Variants in NAALADL2 observed in about 807,000 individuals in gnomAD.
NAALADL2 encodes the protein inactive N-acetylated-alpha-linked acidic dipeptidase-like protein 2.
NAALADL2 carries 76 observed loss-of-function variants against 87.2 expected under a neutral mutation model. The ratio of observed to expected loss-of-function variants is 0.87; its 90% CI spans 0.72 to 1.05. The LOEUF is 1.05. Among genes scored for constraint, NAALADL2 ranks in the 50% least tolerant of loss-of-function variants. The pLI is 0.00. For missense variants in NAALADL2, 1,089 were observed against 945.8 expected, an observed-to-expected ratio of 1.15 and a Z score of -1.99; for synonymous variants, 354 against 331.0, an observed-to-expected ratio of 1.07 and a Z score of -0.75.
intron 1 of NAALADL2, among the ~76,000 whole-genome samples, chr3:174,539,633 AT>A (rs1722040157): frequency 6.6e-6 from 1 of 152,110 alleles, no homozygotes; most frequent in African/African-American, 2.4e-5. Context: ...CTGCGAATTT[AT>A]TTTTGTTGTG....
At chr3:175,156,161 A>T (rs1580722917) in intron 2 of NAALADL2, among the ~76,000 whole-genome samples, 2 of 152,276 alleles carry the variant, frequency 1.3e-5, no homozygotes, top group East Asian at 3.9e-4. Context: ...TTTCAAATTT[A>T]AATGGTTGTG....
At chr3:174,997,367 C>T (rs1275617228) in intron 1 of NAALADL2, among the ~76,000 whole-genome samples, 3 of 152,062 alleles carry the variant, frequency 2.0e-5, no homozygotes, top group African/African-American at 7.2e-5. Context: ...TATGAGTCTT[C>T]ATTATTAAGA....
intron 1 of NAALADL2, among the ~76,000 whole-genome samples, chr3:174,915,079 A>G (rs1050165417): frequency 6.6e-5 from 10 of 152,190 alleles, no homozygotes; most frequent in Non-Finnish European, 1.0e-4. Context: ...AATGTTGGAA[A>G]ACTAGTATCT....
chr3:174,723,579 C>T (rs906728442), intron 2 of NAALADL2, among the ~76,000 whole-genome samples: 2 of 151,770 alleles, frequency 1.3e-5, no homozygotes, highest in Non-Finnish European at 2.9e-5. Context: ...CATGGTGAAA[C>T]CCCATCTCTG....
intron 2 of NAALADL2, among the ~76,000 whole-genome samples, chr3:175,198,584 G>T (rs1474363004): frequency 6.6e-6 from 1 of 152,050 alleles, no homozygotes; most frequent in African/African-American, 2.4e-5. Context: ...CAATGCTGGA[G>T]CTTCTTACTT....
chr3:174,709,892 A>G (rs1441351700), intron 2 of NAALADL2, among the ~76,000 whole-genome samples: 1 of 152,202 alleles, frequency 6.6e-6, no homozygotes, highest in African/African-American at 2.4e-5. Context: ...GTAATGAATC[A>G]TTGTTCTCAC....
rs113144269 is a variant in NAALADL2, at chr3:175,735,150, G to A, written c.1897-2156G>A. Among the ~76,000 whole-genome samples the A allele has an allele frequency of 5.9e-3, 897 of 152,250 alleles. 8 individuals are homozygous for A. The highest frequency in any genetic ancestry group is 0.02 in the African/African-American group (844 of 41,550). ...AAAGTTCGACAAATCTCTAGGATGG[G>A]CAAAATGCCACCAATCTCTTTGCTG... is the stretch of plus-strand genomic sequence containing the variant. On this transcript the variant is annotated intron_variant, in intron 11 of 13. Transcript: ENST00000454872.
At chr3:174,644,677 G>A (rs1723600033) in intron 2 of NAALADL2, among the ~76,000 whole-genome samples, 1 of 152,170 alleles carries the variant, frequency 6.6e-6, no homozygotes, top group Non-Finnish European at 1.5e-5. Context: ...AGTGGAGCCT[G>A]AGACCCTCTG....
chr3:175,280,284 T>A (rs1443403741), intron 4 of NAALADL2, among the ~76,000 whole-genome samples: 2 of 152,122 alleles, frequency 1.3e-5, no homozygotes, highest in African/African-American at 4.8e-5. Flanking sequence ...TTTAAATGTT[T>A]CCTAGTTTTT....
At chr3:175,586,751 T>C (rs1431776589) in intron 10 of NAALADL2, among the ~76,000 whole-genome samples, 1 of 152,248 alleles carries the variant, frequency 6.6e-6, no homozygotes, top group African/African-American at 2.4e-5. Flanking sequence ...TTACATATAC[T>C]ACATGCTTAC....
chr3:175,366,779 G>A (rs1765644236), intron 5 of NAALADL2, among the ~76,000 whole-genome samples: 1 of 151,078 alleles, frequency 6.6e-6, no homozygotes, highest in Non-Finnish European at 1.5e-5. Context: ...AGATGAGTAG[G>A]TTGCGAAAAT....
intron 4 of NAALADL2, among the ~76,000 whole-genome samples, chr3:175,281,701 C>G (rs1013224816): frequency 3.3e-5 from 5 of 151,820 alleles, no homozygotes; most frequent in Non-Finnish European, 5.9e-5. Context: ...TTTCAGATTC[C>G]TTCAAGAAGG....
At chr3:175,758,389 TATTA>T (rs1747549357) in intron 13 of NAALADL2, among the ~76,000 whole-genome samples, 1 of 151,718 alleles carries the variant, frequency 6.6e-6, no homozygotes, top group Non-Finnish European at 1.5e-5. Context: ...TATGTTACTA[TATTA>T]ATTTATATAT....
In NAALADL2 at chr3:175,746,863, T is replaced by C. The variant is rs148708775; in HGVS notation, c.1991-8357T>C. Among the ~76,000 whole-genome samples, 356 of 152,312 alleles carry C rather than the reference T, an allele frequency of 2.3e-3. 2 individuals are homozygous for C. The highest frequency in any genetic ancestry group is 8.3e-3 in the African/African-American group (346 of 41,572). Reference sequence around the variant, plus strand: ...AGACTGACTACATAACCATATTAAATTGGTTCCAGGAACTCTCTCAAATGC... The same window carrying C: ...AGACTGACTACATAACCATATTAAACTGGTTCCAGGAACTCTCTCAAATGC... On this transcript the variant is annotated intron_variant, in intron 12 of 13. Coordinates refer to ENST00000454872, the MANE Select transcript of NAALADL2 (RefSeq NM_207015.3).
intron 4 of NAALADL2, among the ~76,000 whole-genome samples, chr3:175,303,910 C>T (rs565938197): frequency 1.7e-4 from 26 of 152,222 alleles, no homozygotes; most frequent in African/African-American, 4.8e-4. Context: ...CAGTGGACAG[C>T]AGGCTGTGGC....
chr3:174,645,437 A>G (rs954594804), intron 2 of NAALADL2, among the ~76,000 whole-genome samples: 13 of 152,178 alleles, frequency 8.5e-5, no homozygotes, highest in African/African-American at 2.7e-4. Flanking sequence ...GGTTACAAGA[A>G]TGAATTGCTC....
intron 1 of NAALADL2, among the ~76,000 whole-genome samples, chr3:175,035,430 A>G (rs1753297292): frequency 6.6e-6 from 1 of 152,126 alleles, no homozygotes; most frequent in Non-Finnish European, 1.5e-5. Context: ...ATATAAGATA[A>G]GACCAAATGT....
chr3:175,028,788 A>G (rs1005258558), intron 1 of NAALADL2, among the ~76,000 whole-genome samples: 1 of 151,884 alleles, frequency 6.6e-6, no homozygotes, highest in African/African-American at 2.4e-5. Flanking sequence ...TTAGAAGCTA[A>G]AATTTGGGAA....
chr3:175,694,476 A>G (rs1231787660), intron 11 of NAALADL2, among the ~76,000 whole-genome samples: 1 of 152,188 alleles, frequency 6.6e-6, no homozygotes, highest in Non-Finnish European at 1.5e-5. Flanking sequence ...CTGACACAAG[A>G]GTGGTAAAAG....
Sources: allele counts gnomAD v4.1 joint callset (sites outside exome capture counted in the v4.1 genomes callset), GRCh38; gene constraint gnomAD v4.1.1; transcripts MANE v1.5; gene names NCBI Gene and HGNC (gene_info 2026-07-23, HGNC 2026-07-21).